The following CDYL variants were observed in gnomAD, a reference collection of about 807,000 sequenced individuals.
CDYL encodes chromodomain Y like.
CDYL carries 8 observed loss-of-function variants against 47.3 expected under a neutral mutation model. The observed-to-expected ratio is 0.17, with a 90% CI of 0.10 to 0.31. The LOEUF (loss-of-function observed/expected upper bound fraction) is 0.31, where lower values mean the gene tolerates loss of function less well. CDYL is among the 10% of genes least tolerant of loss of function. CDYL has a pLI of 1.00. For missense variants in CDYL, 471 were observed against 701.4 expected (o/e 0.67, Z 3.71); for synonymous variants, 266 against 265.0 (o/e 1.00, Z -0.04).
At chr6:4,951,890 C>T (rs547516349) in intron 5 of CDYL, among the ~76,000 whole-genome samples, 1 of 152,086 alleles carries the variant, frequency 6.6e-6, no homozygotes, top group South Asian at 2.1e-4. Context: ...TGGGAAGGGC[C>T]GGCATTAGGG....
chr6:4,862,584 C>A (rs1428965700), intron 1 of CDYL, among the ~76,000 whole-genome samples: 2 of 152,162 alleles, frequency 1.3e-5, no homozygotes, highest in Non-Finnish European at 2.9e-5. Context: ...AGCTCCCTAC[C>A]TTTGGGGGCT....
At chr6:4,802,614 A>G (rs1759256905) in intron 1 of CDYL, among the ~76,000 whole-genome samples, 1 of 152,182 alleles carries the variant, frequency 6.6e-6, no homozygotes, top group Non-Finnish European at 1.5e-5. Context: ...CTGCCATTAC[A>G]GAAAGTTGAT....
At chr6:4,750,936 T>C (rs1757978490) in intron 3 of CDYL, among the ~76,000 whole-genome samples, 1 of 151,150 alleles carries the variant, frequency 6.6e-6, no homozygotes, top group Non-Finnish European at 1.5e-5. Context: ...CACTGCAAGC[T>C]CTGCCTCCTG....
At chr6:4,806,728 C>G (rs1286094297) in intron 1 of CDYL, among the ~76,000 whole-genome samples, 1 of 152,226 alleles carries the variant, frequency 6.6e-6, no homozygotes, top group Non-Finnish European at 1.5e-5. Context: ...GATCTGGACA[C>G]TTTCAAAGAG....
intron 1 of CDYL, among the ~76,000 whole-genome samples, chr6:4,785,613 TA>T (rs1240087051): frequency 6.6e-6 from 1 of 152,206 alleles, no homozygotes; most frequent in Non-Finnish European, 1.5e-5. Flanking sequence ...AGCATGTAAC[TA>T]ATGTGGATAT....
intron 1 of CDYL, among the ~76,000 whole-genome samples, chr6:4,844,977 A>G (rs1358063675): frequency 6.6e-6 from 1 of 152,218 alleles, no homozygotes; most frequent in Non-Finnish European, 1.5e-5. Context: ...TAGATGCTGT[A>G]AAATGTTGTT....
intron 1 of CDYL, among the ~76,000 whole-genome samples, chr6:4,814,909 A>G (rs1759627987): frequency 1.3e-5 from 2 of 152,184 alleles, no homozygotes; most frequent in African/African-American, 4.8e-5. Flanking sequence ...AATCCATTCA[A>G]AGAAGAGGGA....
intron 1 of CDYL, among the ~76,000 whole-genome samples, chr6:4,863,316 T>C (rs909235028): frequency 6.6e-6 from 1 of 152,218 alleles, no homozygotes; most frequent in Admixed American, 6.5e-5. Flanking sequence ...TATTATACCA[T>C]TGTAACAAAC....
intron 2 of CDYL, chr6:4,724,699 G>C (rs1410865999): frequency 6.6e-6 from 1 of 152,178 alleles, no homozygotes; most frequent in African/African-American, 2.4e-5. Flanking sequence ...AGCGCGTCTG[G>C]AATTCTTCGT....
intron 2 of CDYL, among the ~76,000 whole-genome samples, chr6:4,903,398 AAACTG>A (rs1757129030): frequency 6.6e-6 from 1 of 152,202 alleles, no homozygotes. Flanking sequence ...GGCGGCCACT[AAACTG>A]TGGAGTGGAT....
At chr6:4,894,603 C>G (rs1159476269) in intron 2 of CDYL, among the ~76,000 whole-genome samples, 1 of 152,164 alleles carries the variant, frequency 6.6e-6, no homozygotes, top group African/African-American at 2.4e-5. Context: ...ACTTCCACCA[C>G]CAATCCCGGC....
At chr6:4,797,344 AACTT>A (rs1759101593) in intron 1 of CDYL, among the ~76,000 whole-genome samples, 1 of 152,056 alleles carries the variant, frequency 6.6e-6, no homozygotes, top group Admixed American at 6.5e-5. Context: ...TTCATTTGAG[AACTT>A]ACTGTTTTCT....
At chr6:4,951,346 T>C (rs945328018) in intron 5 of CDYL, among the ~76,000 whole-genome samples, 8 of 151,950 alleles carry the variant, frequency 5.3e-5, no homozygotes, top group Non-Finnish European at 1.0e-4. Context: ...TTATCAGACA[T>C]GTGTGCACCC....
rs190791950 is a variant in CDYL at position 4,916,828 on chromosome 6, T to G, written c.692-18687T>G. Among the ~76,000 whole-genome samples, 11 of 152,356 alleles carry G rather than the reference T, an allele frequency of 7.2e-5. 1 individual carries two copies. In the East Asian group the frequency reaches 2.1e-3, roughly 29 times the overall value. On this transcript the variant is annotated intron_variant, in intron 2 of 6. Transcript: ENST00000397588. ...AATTCCAAGGAGGTGTAGTGTGTAGTGATCCCCTCATGCTGGGCAGGTACC... is the reference window on the plus strand; with the variant it reads ...AATTCCAAGGAGGTGTAGTGTGTAGGGATCCCCTCATGCTGGGCAGGTACC...
intron 1 of CDYL, among the ~76,000 whole-genome samples, chr6:4,786,468 G>A (rs1758759747): frequency 6.6e-6 from 1 of 152,126 alleles, no homozygotes; most frequent in Non-Finnish European, 1.5e-5. Context: ...GGAGGCATTA[G>A]CTGATCTGGT....
At chr6:4,919,337 G>A (rs1281266939) in intron 2 of CDYL, among the ~76,000 whole-genome samples, 2 of 152,084 alleles carry the variant, frequency 1.3e-5, no homozygotes, top group African/African-American at 4.8e-5. Context: ...GTTTGTGAAG[G>A]TATTGTCTCT....
intron 1 of CDYL, among the ~76,000 whole-genome samples, chr6:4,867,826 G>T (rs1414838990): frequency 6.7e-6 from 1 of 149,654 alleles, no homozygotes; most frequent in Non-Finnish European, 1.5e-5. Context: ...TTCTTCTGGA[G>T]TCAGTTTTGG....
chr6:4,866,457 A>G (rs558489468), intron 1 of CDYL, among the ~76,000 whole-genome samples: 33 of 152,290 alleles, frequency 2.2e-4, no homozygotes, highest in Middle Eastern at 3.4e-3. Context: ...TTTTTAAAAG[A>G]CTACAAACAA....
chr6:4,846,283 ATGTGGAGAC>A (rs1760654592), intron 1 of CDYL, among the ~76,000 whole-genome samples: 1 of 152,150 alleles, frequency 6.6e-6, no homozygotes, highest in African/African-American at 2.4e-5. Flanking sequence ...TGCACGGCAA[ATGTGGAGAC>A]ATGTGCAAAT....
Sources: allele counts gnomAD v4.1 joint callset (sites outside exome capture counted in the v4.1 genomes callset), GRCh38; gene constraint gnomAD v4.1.1; transcripts MANE v1.5; gene names NCBI Gene and HGNC (gene_info 2026-07-23, HGNC 2026-07-21).